Variants in OSBPL10 observed in about 807,000 individuals in gnomAD.
The protein encoded by OSBPL10 is oxysterol-binding protein-related protein 10.
A neutral mutation model predicts 81.7 loss-of-function variants in OSBPL10; 49 were observed. The ratio of observed to expected loss-of-function variants is 0.60; its 90% confidence interval spans 0.48 to 0.76. The LOEUF is 0.76. OSBPL10 is among the 30% of genes least tolerant of loss of function. OSBPL10 has a pLI of 0.00. For synonymous variants in OSBPL10, 419 were observed against 383.6 expected (o/e 1.09, Z -1.08); for missense variants, 923 against 987.8 (o/e 0.93, Z 0.88).
At chr3:31,897,793 A>AG (rs1235638677) in intron 1 of OSBPL10, among the ~76,000 whole-genome samples, 2 of 151,924 alleles carry the variant, frequency 1.3e-5, no homozygotes, top group Admixed American at 6.6e-5. Context: ...GCAGATCACA[A>AG]GGTCAGGAGT....
At chr3:32,009,928 T>C (rs1575084869) in intron 2 of OSBPL10, among the ~76,000 whole-genome samples, 1 of 152,206 alleles carries the variant, frequency 6.6e-6, no homozygotes, top group East Asian at 1.9e-4. Flanking sequence ...AAGCATTCGT[T>C]ATAGGCTGAA....
rs2125689357 is a variant in OSBPL10, at chr3:31,908,975, A to AT, written c.282-29146dup. On this transcript the variant is annotated intron_variant, in intron 1 of 11. Transcript: ENST00000396556. ...GCCAGGTCAAGGGCCTTCTGAAACC[A>AT]TTAACTTTAGGTCACTGGAGAGAAG... 2.0e-5 allele frequency among the ~76,000 whole-genome samples: 3 copies of AT among 152,338 alleles called. No homozygotes were observed. The South Asian group carries it at 6.2e-4, about 32-fold the overall frequency.
chr3:31,833,699 G>GCACACACA lies in OSBPL10; in HGVS notation c.538-3469_538-3468insTGTGTGTG, dbSNP rs1270463379. ...AAGATTGTAGGGAAAACACGCACAC[G>GCACACACA]CACACGCACACACACACACACACAC... On this transcript the variant is annotated intron_variant, in intron 3 of 11. Coordinates refer to ENST00000396556, the MANE Select transcript of OSBPL10 (RefSeq NM_017784.5). Among the ~76,000 whole-genome samples the GCACACACA allele has an allele frequency of 2.9e-4, 35 of 118,912 alleles. No homozygotes were observed. The South Asian group carries it at 4.5e-3, about 15-fold the overall frequency. The allele number at this position is 118,912 out of a possible 152,430, so 78.0% of individuals were successfully genotyped here.
intron 1 of OSBPL10, among the ~76,000 whole-genome samples, chr3:31,882,406 C>A (rs550864296): frequency 1.3e-5 from 2 of 152,306 alleles, no homozygotes; most frequent in South Asian, 2.1e-4. Context: ...CCGGCAGTAA[C>A]AACATTGCCT....
intron 2 of OSBPL10, among the ~76,000 whole-genome samples, chr3:32,040,336 G>A (rs910059338): frequency 2.6e-5 from 4 of 152,278 alleles, no homozygotes; most frequent in African/African-American, 7.2e-5. Context: ...GAACCTGGGA[G>A]GCAGAGGTTG....
At chr3:31,991,064 A>G in intron 2 of OSBPL10, 1 of 1,289,524 alleles carries the variant, frequency 7.8e-7, no homozygotes, top group Admixed American at 2.4e-5. Context: ...TCAAGCATTA[A>G]TTGACATTAG....
At chr3:32,013,894 G>C (rs1242117882) in intron 2 of OSBPL10, among the ~76,000 whole-genome samples, 3 of 152,130 alleles carry the variant, frequency 2.0e-5, no homozygotes, top group African/African-American at 7.2e-5. Flanking sequence ...GACTAAACCA[G>C]GAAGAAGTAG....
At chr3:31,902,594 G>T (rs928278876) in intron 1 of OSBPL10, among the ~76,000 whole-genome samples, 2 of 150,312 alleles carry the variant, frequency 1.3e-5, no homozygotes, top group African/African-American at 4.9e-5. Context: ...ACAGAGTCTT[G>T]CTCTGTCGCC....
intron 2 of OSBPL10, among the ~76,000 whole-genome samples, chr3:31,878,828 TG>T (rs1701549708): frequency 6.6e-6 from 1 of 151,336 alleles, no homozygotes; most frequent in Non-Finnish European, 1.5e-5. Flanking sequence ...TGTGTGTGTG[TG>T]TGTGTGTGTG....
intron 1 of OSBPL10, among the ~76,000 whole-genome samples, chr3:31,943,489 T>C (rs770732263): frequency 1.3e-5 from 2 of 152,234 alleles, no homozygotes; most frequent in African/African-American, 2.4e-5. Flanking sequence ...ATGTTCATTG[T>C]AGGAAATCTG....
rs80138425 is a variant in OSBPL10 at position 31,958,291 on chromosome 3, T to A, written c.281+22608A>T. On this transcript the variant is annotated intron_variant, in intron 1 of 11. Coordinates refer to ENST00000396556, the MANE Select transcript of OSBPL10 (RefSeq NM_017784.5). ...AATGAGTGAAGTATTACTCTTGCAA[T>A]TGAAAAAAGTTAAAAATGCACAAAA... is the stretch of plus-strand genomic sequence containing the variant. Among the ~76,000 whole-genome samples, 16 of 152,294 alleles carry A rather than the reference T, an allele frequency of 1.1e-4. No individual in the cohort carries two copies. In the East Asian group the frequency reaches 3.1e-3, roughly 29 times the overall value.
intron 5 of OSBPL10, among the ~76,000 whole-genome samples, chr3:31,740,560 A>G (rs1697309509): frequency 6.7e-6 from 1 of 149,842 alleles, no homozygotes; most frequent in African/African-American, 2.6e-5. Flanking sequence ...AAAAGATTCA[A>G]AAAGTATTGC....
In OSBPL10 at chr3:31,688,281, T is replaced by TCACACACACACA. The variant is rs1380099717; in HGVS notation, c.1246-4168_1246-4167insTGTGTGTGTGTG. Among the ~76,000 whole-genome samples the TCACACACACACA allele has an allele frequency of 6.3e-4, 72 of 113,982 alleles. 2 individuals carry two copies. Among genetic ancestry groups the TCACACACACACA allele is most frequent in the Middle Eastern group, 4.3e-3 (1 of 230 alleles). 74.8% of individuals were successfully genotyped at this position (113,982 alleles called of 152,430 possible). On this transcript the variant is annotated intron_variant, in intron 7 of 11. Coordinates refer to ENST00000396556, the MANE Select transcript of OSBPL10 (RefSeq NM_017784.5). ...CCCTGCACAAATCTCTCTCTCTCTC[T>TCACACACACACA]CTCACACACACACACACACACACAC...
At chr3:31,812,725 A>AGAAG (rs1699719615) in intron 4 of OSBPL10, among the ~76,000 whole-genome samples, 1 of 16,962 alleles carries the variant, frequency 5.9e-5, no homozygotes, top group Non-Finnish European at 9.6e-5. Flanking sequence ...AAAAAAAGAA[A>AGAAG]GAAAGAAAGA....
chr3:31,797,851 T>C (rs1005487422), intron 4 of OSBPL10: 2 of 454,234 alleles, frequency 4.4e-6, no homozygotes, highest in Admixed American at 4.7e-5. Flanking sequence ...CCTATAAAAA[T>C]GGGGATGGGG....
intron 4 of OSBPL10, among the ~76,000 whole-genome samples, chr3:31,780,153 T>G (rs1191713393): frequency 1.3e-5 from 2 of 151,514 alleles, no homozygotes; most frequent in Non-Finnish European, 2.9e-5. Flanking sequence ...ATTAGCCGGG[T>G]GTGGTGGCAG....
chr3:32,059,660 G>A (rs1251651806), intron 1 of OSBPL10, among the ~76,000 whole-genome samples: 1 of 151,978 alleles, frequency 6.6e-6, no homozygotes, highest in Admixed American at 6.6e-5. Context: ...GGTCAGATCT[G>A]TAATCCTAGC....
chr3:31,744,081 A>G (rs751395771), intron 5 of OSBPL10, among the ~76,000 whole-genome samples: 2 of 152,234 alleles, frequency 1.3e-5, no homozygotes. Context: ...GGTAGCATAG[A>G]TTTAAGACAC....
intron 1 of OSBPL10, among the ~76,000 whole-genome samples, chr3:31,964,986 T>G (rs1575064719): frequency 6.6e-6 from 1 of 152,170 alleles, no homozygotes; most frequent in African/African-American, 2.4e-5. Context: ...TGAATCAAAC[T>G]GACATTTATA....
Sources: gnomAD v4.1 joint callset for allele counts (sites outside exome capture counted in the v4.1 genomes callset) on GRCh38, gnomAD v4.1.1 for gene constraint, MANE v1.5 for transcripts, NCBI Gene and HGNC (gene_info 2026-07-23, HGNC 2026-07-21) for gene names.